Variants in ANTXR1 observed in about 807,000 individuals in gnomAD.
ANTXR1 encodes the protein anthrax toxin receptor 1.
Under a neutral mutation model 78.1 loss-of-function variants are expected in ANTXR1, and 19 were observed. The ratio of observed to expected loss-of-function variants is 0.24; its 90% CI spans 0.17 to 0.36. The LOEUF (loss-of-function observed/expected upper bound fraction) is 0.36, where lower values mean the gene tolerates loss of function less well. Ranked by LOEUF, ANTXR1 falls within the 10% of genes least tolerant of loss-of-function variation. The probability of loss-of-function intolerance (pLI) is 1.00; values close to 1 mark genes in which losing one functional copy is unlikely to be tolerated. For synonymous variants in ANTXR1, 273 were observed against 260.5 expected (o/e 1.05, Z -0.46); for missense variants, 518 against 718.6 (o/e 0.72, Z 3.19).
intron 14 of ANTXR1, among the ~76,000 whole-genome samples, chr2:69,173,056 C>T (rs1003828140): frequency 1.1e-4 from 16 of 152,152 alleles, no homozygotes; most frequent in Admixed American, 9.2e-4. Flanking sequence ...GAGTTTTTAT[C>T]AGCCTCATTC....
Position 69,249,310 on chromosome 2 carries a change from A to G in ANTXR1, c.*3825A>G, listed in dbSNP as rs770990092. 2 of 152,224 alleles carry G rather than the reference A, an allele frequency of 1.3e-5. No homozygotes were observed. The highest frequency in any genetic ancestry group is 2.4e-5 in the African/African-American group (1 of 41,454). 9.4% of individuals were successfully genotyped at this position (152,224 alleles called of 1,614,324 possible). A position where few individuals can be genotyped will look rare whatever the true frequency, so the allele number is the denominator to read the frequency against. On this transcript the variant is annotated 3_prime_UTR_variant, in exon 18 of 18. Coordinates refer to ENST00000303714, the MANE Select transcript of ANTXR1 (RefSeq NM_032208.3). The stretch of plus-strand genomic sequence containing the variant: ...GGAAGTTGCTTTTTTAAAAAAAATA[A>G]TAAATTTCTTAAATCAACTCTTTTT...
chr2:69,024,600 C>T (rs1306817876), intron 1 of ANTXR1, among the ~76,000 whole-genome samples: 3 of 152,136 alleles, frequency 2.0e-5, no homozygotes, highest in African/African-American at 7.2e-5. Context: ...CAGATGCTTT[C>T]TCCTGAAATC....
intron 7 of ANTXR1, among the ~76,000 whole-genome samples, chr2:69,075,939 G>A (rs960982652): frequency 2.0e-5 from 3 of 152,048 alleles, no homozygotes; most frequent in Admixed American, 6.6e-5. Flanking sequence ...CTTGGAAAAC[G>A]GGTTTTTTCT....
At chr2:69,222,066 T>C (rs1195025832) in intron 17 of ANTXR1, among the ~76,000 whole-genome samples, 4 of 152,210 alleles carry the variant, frequency 2.6e-5, no homozygotes, top group African/African-American at 9.7e-5. Flanking sequence ...AGTGGTTCTC[T>C]GCAGTGGCCA....
At chr2:69,067,785 C>T (rs184028122) in intron 3 of ANTXR1, among the ~76,000 whole-genome samples, 7 of 152,338 alleles carry the variant, frequency 4.6e-5, no homozygotes, top group African/African-American at 1.7e-4. Context: ...AGAGCTGCCC[C>T]CTGCCTGGGG....
chr2:69,086,438 A>G, intron 8 of ANTXR1, among the ~76,000 whole-genome samples: 1 of 152,206 alleles, frequency 6.6e-6, no homozygotes, highest in East Asian at 1.9e-4. Flanking sequence ...TGCCTCTCTT[A>G]CTCGTCCTCC....
intron 12 of ANTXR1, among the ~76,000 whole-genome samples, chr2:69,144,143 T>C (rs1359728584): frequency 2.6e-5 from 4 of 152,196 alleles, no homozygotes; most frequent in Admixed American, 2.6e-4. Flanking sequence ...TAAATTCCAC[T>C]CAGAGCCCTG....
chr2:69,144,858 A>T (rs1224242000), intron 12 of ANTXR1, among the ~76,000 whole-genome samples: 2 of 152,202 alleles, frequency 1.3e-5, no homozygotes, highest in Non-Finnish European at 2.9e-5. Flanking sequence ...GCTTCTGATA[A>T]CCTCTTCCTT....
chr2:69,208,161 C>T (rs1674952896), intron 17 of ANTXR1, among the ~76,000 whole-genome samples: 1 of 152,212 alleles, frequency 6.6e-6, no homozygotes, highest in African/African-American at 2.4e-5. Context: ...AAATTCTTTT[C>T]AACTTGGAGG....
At chr2:69,196,630 A>G (rs922668248) in intron 17 of ANTXR1, among the ~76,000 whole-genome samples, 25 of 152,210 alleles carry the variant, frequency 1.6e-4, no homozygotes, top group Non-Finnish European at 3.1e-4. Flanking sequence ...TGAGTCTGTA[A>G]GAATTCTTCA....
chr2:69,049,925 C>A (rs1221843929), intron 3 of ANTXR1, among the ~76,000 whole-genome samples: 1 of 152,076 alleles, frequency 6.6e-6, no homozygotes, highest in Admixed American at 6.6e-5. Flanking sequence ...ATATTAAATA[C>A]CCTTTTGCCA....
chr2:69,070,670 A>G lies in ANTXR1; in HGVS notation c.320A>G (p.Glu107Gly). The G allele has an allele frequency of 6.2e-7, 1 of 1,614,160 alleles. No homozygotes were observed. Reference protein sequence around the residue: ...EDREQIRQGLEELQKVLPGGD... With the variant: ...EDREQIRQGLGELQKVLPGGD... ...AGAGAACAAATCCGTCAAGGCCTAG[A>G]AGAACTCCAGAAAGTTCTGCCAGGA... is the stretch of plus-strand genomic sequence containing the variant. The change falls in exon 4 of 18, where the codon GAA becomes GGA. Residue 107 changes from glutamate to glycine, a missense_variant. Physicochemically the swap from Glu to Gly is moderately conservative, Grantham distance 98 (BLOSUM62 -2). Around this residue, in one of 5 missense-constraint regions of ANTXR1, gnomAD observed 264 missense variants for 391.8 expected, o/e 0.67. Transcript: ENST00000303714.
At chr2:69,120,117 C>T (rs1318867970) in intron 10 of ANTXR1, among the ~76,000 whole-genome samples, 1 of 152,164 alleles carries the variant, frequency 6.6e-6, no homozygotes, top group African/African-American at 2.4e-5. Context: ...TAAACATGTT[C>T]GAAACACTGA....
intron 12 of ANTXR1, among the ~76,000 whole-genome samples, chr2:69,143,999 C>G (rs1461372743): frequency 3.3e-5 from 5 of 152,210 alleles, no homozygotes; most frequent in Non-Finnish European, 7.3e-5. Flanking sequence ...ATTTAGATCT[C>G]TAGGCTTGCC....
chr2:69,217,483 G>A (rs4358157), intron 17 of ANTXR1, among the ~76,000 whole-genome samples: 7,979 of 152,270 alleles, frequency 0.052, 553 homozygotes, highest in African/African-American at 0.15. Flanking sequence ...AGCAGAGCTA[G>A]GTTTGAAACC....
intron 17 of ANTXR1, among the ~76,000 whole-genome samples, chr2:69,242,632 A>T (rs1675921667): frequency 6.6e-6 from 1 of 152,204 alleles, no homozygotes; most frequent in Non-Finnish European, 1.5e-5. Flanking sequence ...CTTCCCCAGG[A>T]TGAGGGTTTC....
At position 69,245,846 on chromosome 2, in the gene ANTXR1, C is replaced by T; in HGVS notation, c.*361C>T. 4.5e-6 allele frequency: 1 copy of T among 221,844 alleles called. No individual in the cohort carries two copies. The highest frequency in any genetic ancestry group is 9.0e-6 in the Non-Finnish European group (1 of 111,482). The allele number at this position is 221,844 out of a possible 1,614,324, so 13.7% of individuals were successfully genotyped here. On this transcript the variant is annotated 3_prime_UTR_variant, in exon 18 of 18. Coordinates refer to ENST00000303714, the MANE Select transcript of ANTXR1 (RefSeq NM_032208.3). Reference sequence around the variant, plus strand: ...GCAGAGTTGGATAAGAAATACATTGCTGGGTTTCTAAAATGCTGCCTTCCT... The same window carrying T: ...GCAGAGTTGGATAAGAAATACATTGTTGGGTTTCTAAAATGCTGCCTTCCT...
intron 17 of ANTXR1, among the ~76,000 whole-genome samples, chr2:69,243,985 AG>A: frequency 6.6e-6 from 1 of 152,370 alleles, no homozygotes; most frequent in Admixed American, 6.5e-5. Flanking sequence ...GTACCCACCC[AG>A]GCAAGTGGCC....
intron 16 of ANTXR1, among the ~76,000 whole-genome samples, chr2:69,187,523 G>A (rs953147852): frequency 2.7e-5 from 4 of 149,926 alleles, no homozygotes; most frequent in Admixed American, 6.6e-5. Flanking sequence ...GACGTTATCC[G>A]TTAAATCCAT....
Sources: gnomAD v4.1 joint callset for allele counts (sites outside exome capture counted in the v4.1 genomes callset) on GRCh38, gnomAD v4.1.1 for gene constraint, gnomAD v4.1.1 regional missense constraint, MANE v1.5 for transcripts, NCBI Gene and HGNC (gene_info 2026-07-23, HGNC 2026-07-21) for gene names.